The following FOXP2 variants were observed in gnomAD, a reference collection of about 807,000 sequenced individuals.
FOXP2 encodes forkhead box P2, also known as forkhead box protein P2.
In FOXP2, 12 loss-of-function variants were observed where a neutral mutation model predicts 115.8. That is an observed-to-expected ratio of 0.10 (90% CI 0.07 to 0.17). FOXP2 has a LOEUF of 0.17. Among genes scored for constraint, FOXP2 ranks in the 10% least tolerant of loss-of-function variants. FOXP2 has a pLI of 1.00. For synonymous variants in FOXP2, 328 were observed against 297.7 expected, an observed-to-expected ratio of 1.10 and a Z score of -1.05; for missense variants, 629 against 843.5, an observed-to-expected ratio of 0.75 and a Z score of 3.15.
rs1808618606 is a variant in FOXP2, at chr7:114,690,658, A to G, written c.*732A>G. Reference sequence around the variant, plus strand: ...GTGCAAGCACCATAGAAACATTTGCATATCTGCATAGATCTTACAACTGTA... The same window carrying G: ...GTGCAAGCACCATAGAAACATTTGCGTATCTGCATAGATCTTACAACTGTA... On this transcript the variant is annotated 3_prime_UTR_variant, in exon 17 of 17. Transcript: ENST00000350908. The G allele has an allele frequency of 2.2e-6, 1 of 454,300 alleles. No individual in the cohort carries two copies. Among genetic ancestry groups the G allele is most frequent in the South Asian group, 1.6e-5 (1 of 64,486 alleles). The allele number at this position is 454,300 out of a possible 1,614,324, so 28.1% of individuals were successfully genotyped here.
At chr7:114,492,204 T>G (rs1198239170) in intron 2 of FOXP2, among the ~76,000 whole-genome samples, 1 of 152,138 alleles carries the variant, frequency 6.6e-6, no homozygotes, top group Non-Finnish European at 1.5e-5. Context: ...TGCGTAGAGG[T>G]GTTTATAGTA....
intron 16 of FOXP2, among the ~76,000 whole-genome samples, chr7:114,684,400 C>A (rs1396104293): frequency 6.6e-6 from 1 of 152,180 alleles, no homozygotes; most frequent in East Asian, 1.9e-4. Context: ...CACACTCCTG[C>A]ACAAGAGCTC....
chr7:114,661,800 A>G (rs1563066482), intron 13 of FOXP2: 12 of 416,572 alleles, frequency 2.9e-5, no homozygotes, highest in Non-Finnish European at 5.4e-5. Flanking sequence ...AGATATTGCA[A>G]TTTAGACCAG....
At chr7:114,421,249 C>T (rs1487193762) in intron 1 of FOXP2, among the ~76,000 whole-genome samples, 1 of 151,318 alleles carries the variant, frequency 6.6e-6, no homozygotes, top group African/African-American at 2.4e-5. Flanking sequence ...CCATTTTAAA[C>T]TTATTTTATT....
chr7:114,507,947 T>C (rs1426893327), intron 2 of FOXP2, among the ~76,000 whole-genome samples: 1 of 151,886 alleles, frequency 6.6e-6, no homozygotes, highest in East Asian at 1.9e-4. Context: ...CATAAGTTCA[T>C]TTCACCTGAG....
intron 2 of FOXP2, among the ~76,000 whole-genome samples, chr7:114,527,900 T>C (rs1290907941): frequency 6.6e-6 from 1 of 152,116 alleles, no homozygotes; most frequent in East Asian, 1.9e-4. Flanking sequence ...TTATCTCTTA[T>C]TTGGACAGTT....
At chr7:114,540,573 T>C (rs1799607679) in intron 3 of FOXP2, among the ~76,000 whole-genome samples, 1 of 151,992 alleles carries the variant, frequency 6.6e-6, no homozygotes, top group South Asian at 2.1e-4. Context: ...ATAAAAACAT[T>C]ATTGGCCACA....
intron 3 of FOXP2, among the ~76,000 whole-genome samples, chr7:114,596,619 A>G (rs1256392810): frequency 6.6e-6 from 1 of 152,100 alleles, no homozygotes; most frequent in Non-Finnish European, 1.5e-5. Context: ...GAAAGCAGTG[A>G]CCAAAGGTGC....
At chr7:114,444,838 C>A (rs1268380861) in intron 2 of FOXP2, among the ~76,000 whole-genome samples, 1 of 151,978 alleles carries the variant, frequency 6.6e-6, no homozygotes, top group Non-Finnish European at 1.5e-5. Context: ...GTTCAAAGAA[C>A]AAAGAATGGG....
At chr7:114,164,570 G>T (rs1001413468) in intron 1 of FOXP2, among the ~76,000 whole-genome samples, 5 of 151,916 alleles carry the variant, frequency 3.3e-5, no homozygotes, top group African/African-American at 1.2e-4. Flanking sequence ...TCGATTTCTT[G>T]ACCTTGTGAT....
At chr7:114,620,841 A>G (rs982441119) in intron 3 of FOXP2, among the ~76,000 whole-genome samples, 23 of 152,064 alleles carry the variant, frequency 1.5e-4, no homozygotes, top group African/African-American at 5.6e-4. Context: ...TTTCATAATA[A>G]TCAGATTTGG....
chr7:114,630,010 G>A lies in FOXP2; in HGVS notation c.597+5G>A. On this transcript the variant is annotated splice_donor_5th_base_variant and intron_variant, in intron 5 of 16. Coordinates refer to ENST00000350908, the MANE Select transcript of FOXP2 (RefSeq NM_014491.4). ...CCTGGAAAGCAAGCGAAAGAGGTAG[G>A]ATCCGGTTATCTCATTGATACATAA... is the stretch of plus-strand genomic sequence containing the variant. 1 of 1,598,144 alleles carries A rather than the reference G, an allele frequency of 6.3e-7. No individual in the cohort carries two copies. Among genetic ancestry groups the A allele is most frequent in the Non-Finnish European group, 8.5e-7 (1 of 1,176,596 alleles).
intron 2 of FOXP2, among the ~76,000 whole-genome samples, chr7:114,313,237 A>G (rs947700459): frequency 1.4e-4 from 22 of 152,198 alleles, no homozygotes; most frequent in Admixed American, 4.6e-4. Context: ...ATAGAATAAC[A>G]TAGCTTTGGC....
chr7:114,159,355 T>G (rs756009757), upstream of FOXP2, among the ~76,000 whole-genome samples: 2 of 152,164 alleles, frequency 1.3e-5, no homozygotes, highest in African/African-American at 2.4e-5. Flanking sequence ...GATAATAAAA[T>G]GTTTAGTTTC....
rs776899782 is a variant in FOXP2, at chr7:114,457,396, TA to T, written c.168+30726del. ...GTTCTCTACTTTTTATCCCCTTGAT[TA>T]AAAAAAAATCATAATTTCCTTTTAT... On this transcript the variant is annotated intron_variant, in intron 2 of 16. Coordinates refer to ENST00000350908, the MANE Select transcript of FOXP2 (RefSeq NM_014491.4). Among the ~76,000 whole-genome samples the T allele has an allele frequency of 9.6e-4, 146 of 151,708 alleles. 1 individual carries two copies. The highest frequency in any genetic ancestry group is 5.4e-3 in the South Asian group (26 of 4,806).
intron 2 of FOXP2, among the ~76,000 whole-genome samples, chr7:114,407,009 C>T (rs1447854590): frequency 6.6e-6 from 1 of 151,624 alleles, no homozygotes; most frequent in Non-Finnish European, 1.5e-5. Context: ...AGGAGAGAAC[C>T]AGACAGGAGG....
intron 1 of FOXP2, among the ~76,000 whole-genome samples, chr7:114,146,342 A>T (rs1327646744): frequency 6.6e-6 from 1 of 152,226 alleles, no homozygotes; most frequent in Non-Finnish European, 1.5e-5. Context: ...GATTTCCCTG[A>T]CATATGACCC....
At chr7:114,325,050 A>G (rs1047596682) in intron 2 of FOXP2, among the ~76,000 whole-genome samples, 1 of 151,930 alleles carries the variant, frequency 6.6e-6, no homozygotes, top group Non-Finnish European at 1.5e-5. Context: ...TTATGTTACA[A>G]GTAGATTTAT....
At chr7:114,268,442 A>C (rs1795952799) in intron 1 of FOXP2, among the ~76,000 whole-genome samples, 1 of 152,202 alleles carries the variant, frequency 6.6e-6, no homozygotes, top group African/African-American at 2.4e-5. Context: ...GATTAAGTAC[A>C]AAAATGCTCA....
Sources: allele counts gnomAD v4.1 joint callset (sites outside exome capture counted in the v4.1 genomes callset), GRCh38; gene constraint gnomAD v4.1.1; transcripts MANE v1.5; gene names NCBI Gene and HGNC (gene_info 2026-07-23, HGNC 2026-07-21).